CBLN2: variants seen among roughly 807,000 people sequenced by gnomAD.
CBLN2 encodes the protein cerebellin-2.
CBLN2 carries 7 observed loss-of-function variants against 15.0 expected under a neutral mutation model. That is an observed-to-expected ratio of 0.47 (90% CI 0.27 to 0.88). The LOEUF (loss-of-function observed/expected upper bound fraction) is 0.88. CBLN2 is among the 40% of genes least tolerant of loss of function. The pLI, the probability that CBLN2 is intolerant of heterozygous loss-of-function variation, is 0.14. For missense variants in CBLN2, 242 were observed against 304.5 expected (o/e 0.79, Z 1.53); for synonymous variants, 149 against 135.2 (o/e 1.10, Z -0.71).
At chr18:72,635,564 T>G (rs1259273492) in intron 1 of CBLN2, among the ~76,000 whole-genome samples, 2 of 152,276 alleles carry the variant, frequency 1.3e-5, no homozygotes, top group East Asian at 3.9e-4. Context: ...TATAAAAGAC[T>G]GTGGAGCAGA....
intron 1 of CBLN2, chr18:72,620,614 A>T (rs921062051): frequency 2.6e-5 from 4 of 152,222 alleles, no homozygotes; most frequent in African/African-American, 9.6e-5. Flanking sequence ...AGGAAAAGGC[A>T]ACATTGGAGC....
chr18:72,560,742 C>T (rs1475562864), intron 1 of CBLN2, among the ~76,000 whole-genome samples: 1 of 152,226 alleles, frequency 6.6e-6, no homozygotes, highest in African/African-American at 2.4e-5. Flanking sequence ...GGTGTGGTGG[C>T]TCACGCCTGT....
chr18:72,580,368 C>T (rs544439601), intron 1 of CBLN2, among the ~76,000 whole-genome samples: 14 of 152,272 alleles, frequency 9.2e-5, no homozygotes, highest in African/African-American at 3.4e-4. Flanking sequence ...CAAACACATA[C>T]ATAACTACTA....
At position 72,631,831 on chromosome 18, in the gene CBLN2, G is replaced by A. The variant is rs1368061427; in HGVS notation, c.15+6494C>T. Among the ~76,000 whole-genome samples the A allele has an allele frequency of 3.3e-5, 5 of 152,074 alleles. No individual in the cohort carries two copies. In the East Asian group the frequency reaches 9.7e-4, roughly 29 times the overall value. ...ACTCAGGAAATACAGTTCAAATTTAGGCACTACACAATGTAGCAGGGATGA... is the reference window on the plus strand; with the variant it reads ...ACTCAGGAAATACAGTTCAAATTTAAGCACTACACAATGTAGCAGGGATGA... On this transcript the variant is annotated intron_variant, in intron 1 of 2. Transcript: ENST00000581073.
At chr18:72,538,610 T>C (rs1163701381) in intron 4 of CBLN2, 43 bp downstream of exon 4, 1 of 1,611,164 alleles carries the variant, frequency 6.2e-7, no homozygotes, top group South Asian at 1.1e-5. Flanking sequence ...AATGGGGAAC[T>C]ATTAACTCAA....
At chr18:72,625,993 C>T (rs2069736856) in intron 1 of CBLN2, among the ~76,000 whole-genome samples, 1 of 151,638 alleles carries the variant, frequency 6.6e-6, no homozygotes, top group African/African-American at 2.4e-5. Flanking sequence ...CATTTCCGGT[C>T]ATTTATCACA....
intron 1 of CBLN2, among the ~76,000 whole-genome samples, chr18:72,591,345 C>T (rs1403818049): frequency 6.6e-6 from 1 of 152,034 alleles, no homozygotes; most frequent in African/African-American, 2.4e-5. Context: ...TATTGCTTTG[C>T]ATAACTTTTT....
At chr18:72,595,401 TA>T (rs2069507083) in intron 1 of CBLN2, among the ~76,000 whole-genome samples, 1 of 152,120 alleles carries the variant, frequency 6.6e-6, no homozygotes, top group Admixed American at 6.5e-5. Flanking sequence ...ATAATTAATA[TA>T]ATTTCATCAT....
chr18:72,606,853 G>A (rs990934508), intron 1 of CBLN2, among the ~76,000 whole-genome samples: 3 of 152,212 alleles, frequency 2.0e-5, no homozygotes, highest in South Asian at 2.1e-4. Flanking sequence ...AGAGTGGGGA[G>A]GAAGAAATTG....
chr18:72,595,942 G>A (rs2069510616), intron 1 of CBLN2, among the ~76,000 whole-genome samples: 2 of 151,946 alleles, frequency 1.3e-5, no homozygotes, highest in Non-Finnish European at 2.9e-5. Context: ...CCTTGTAGGC[G>A]ACAGATTGTT....
chr18:72,629,807 A>C (rs1418703334), intron 1 of CBLN2, among the ~76,000 whole-genome samples: 1 of 152,186 alleles, frequency 6.6e-6, no homozygotes, highest in Non-Finnish European at 1.5e-5. Context: ...AATGTAAAAA[A>C]TATTGTATAG....
rs2069120883 is a variant in CBLN2 at position 72,542,227 on chromosome 18, C to T, written c.-67G>A. The T allele has an allele frequency of 1.9e-6, 2 of 1,068,112 alleles. No individual in the cohort carries two copies. The highest frequency in any genetic ancestry group is 9.4e-5 in the South Asian group (2 of 21,298). 66.2% of individuals were successfully genotyped at this position (1,068,112 alleles called of 1,614,324 possible). On this transcript the variant is annotated 5_prime_UTR_variant, in exon 3 of 5. Coordinates refer to ENST00000269503, the MANE Select transcript of CBLN2 (RefSeq NM_182511.4). ...CCGGCGCGAGCGGCGCGGAAGGGCGCGAAGGAACGCGCGGAGCTCGCAGCA... is the reference window on the plus strand; with the variant it reads ...CCGGCGCGAGCGGCGCGGAAGGGCGTGAAGGAACGCGCGGAGCTCGCAGCA...
intron 1 of CBLN2, among the ~76,000 whole-genome samples, chr18:72,602,024 G>A (rs2069551661): frequency 6.6e-6 from 1 of 151,800 alleles, no homozygotes; most frequent in Non-Finnish European, 1.5e-5. Flanking sequence ...GAGGGCCTGT[G>A]GCCCTGCTCT....
chr18:72,547,048 C>T (rs1406757438), upstream of CBLN2, among the ~76,000 whole-genome samples: 1 of 151,766 alleles, frequency 6.6e-6, no homozygotes, highest in Admixed American at 6.6e-5. Flanking sequence ...ATACTATTCA[C>T]AGTAGCAAAA....
intron 1 of CBLN2, among the ~76,000 whole-genome samples, chr18:72,581,850 T>C (rs1568123390): frequency 6.6e-6 from 1 of 152,226 alleles, no homozygotes; most frequent in Non-Finnish European, 1.5e-5. Context: ...GCCTGTTTAA[T>C]CGATTAGTTC....
intron 1 of CBLN2, among the ~76,000 whole-genome samples, chr18:72,556,772 T>C (rs1462111033): frequency 6.6e-6 from 1 of 151,900 alleles, no homozygotes; most frequent in East Asian, 1.9e-4. Flanking sequence ...AAATTACTGA[T>C]AGGTAGATTC....
intron 1 of CBLN2, chr18:72,552,602 G>A (rs1014721271): frequency 6.6e-6 from 1 of 151,978 alleles, no homozygotes; most frequent in Non-Finnish European, 1.5e-5. Context: ...TGACATCCAC[G>A]TTCTCCTTTT....
At chr18:72,598,165 C>A (rs1023608323) in intron 1 of CBLN2, among the ~76,000 whole-genome samples, 2 of 152,146 alleles carry the variant, frequency 1.3e-5, no homozygotes, top group Non-Finnish European at 2.9e-5. Context: ...CACATAAAAC[C>A]AGCATGGCTC....
intron 1 of CBLN2, among the ~76,000 whole-genome samples, chr18:72,565,319 C>T (rs1375078331): frequency 2.0e-5 from 3 of 152,004 alleles, no homozygotes; most frequent in South Asian, 4.2e-4. Context: ...AATATTATTA[C>T]TGTATAATAT....
Sources: allele counts gnomAD v4.1 joint callset (sites outside exome capture counted in the v4.1 genomes callset), GRCh38; gene constraint gnomAD v4.1.1; transcripts MANE v1.5; gene names NCBI Gene and HGNC (gene_info 2026-07-23, HGNC 2026-07-21).